PTPRD: variants seen among roughly 807,000 people sequenced by gnomAD.
PTPRD encodes receptor-type tyrosine-protein phosphatase delta.
A neutral mutation model predicts 214.5 loss-of-function variants in PTPRD; 34 were observed. The observed-to-expected ratio is 0.16, with a 90% CI of 0.12 to 0.21. The LOEUF (loss-of-function observed/expected upper bound fraction) is 0.21, where lower values mean the gene tolerates loss of function less well. Among genes scored for constraint, PTPRD ranks in the 10% least tolerant of loss-of-function variants. PTPRD has a pLI of 1.00. For missense variants in PTPRD, 2,545 were observed against 2,398.7 expected (o/e 1.06, Z -1.27); for synonymous variants, 1,128 against 845.7 (o/e 1.33, Z -5.79).
chr9:9,645,475 A>ATATC (rs1416036450), intron 7 of PTPRD, among the ~76,000 whole-genome samples: 1 of 146,688 alleles, frequency 6.8e-6, no homozygotes, highest in African/African-American at 2.6e-5. Context: ...ATATATATAT[A>ATATC]TATATTTTCT....
chr9:9,952,339 G>A (rs535455502), intron 4 of PTPRD, among the ~76,000 whole-genome samples: 1 of 152,314 alleles, frequency 6.6e-6, no homozygotes, highest in African/African-American at 2.4e-5. Flanking sequence ...TATAAAAGAT[G>A]TAAAATGTGT....
intron 14 of PTPRD, among the ~76,000 whole-genome samples, chr9:8,559,138 T>C (rs2085156579): frequency 6.6e-6 from 1 of 152,160 alleles, no homozygotes; most frequent in Non-Finnish European, 1.5e-5. Flanking sequence ...AAAAAATTAA[T>C]GCAGAAAAAA....
At chr9:8,650,823 T>A (rs963907736) in intron 12 of PTPRD, among the ~76,000 whole-genome samples, 1 of 152,102 alleles carries the variant, frequency 6.6e-6, no homozygotes, top group Non-Finnish European at 1.5e-5. Flanking sequence ...CCTATGGAAA[T>A]TTTAGGTATG....
At chr9:9,477,116 G>T (rs140850522) in intron 8 of PTPRD, among the ~76,000 whole-genome samples, 235 of 152,284 alleles carry the variant, frequency 1.5e-3, no homozygotes, top group African/African-American at 5.4e-3. Context: ...GAGTGATTCA[G>T]CAAATGGTCC....
At chr9:9,520,773 G>T (rs766773213) in intron 8 of PTPRD, among the ~76,000 whole-genome samples, 12 of 152,080 alleles carry the variant, frequency 7.9e-5, no homozygotes, top group Non-Finnish European at 1.8e-4. Flanking sequence ...GTCAGCATGG[G>T]TTACAGAACT....
intron 8 of PTPRD, among the ~76,000 whole-genome samples, chr9:9,490,270 G>T (rs1199593184): frequency 6.6e-6 from 1 of 151,748 alleles, no homozygotes; most frequent in Non-Finnish European, 1.5e-5. Flanking sequence ...AATCCTGGAG[G>T]GTGAAAAGAA....
chr9:9,143,059 C>A (rs1331996707), intron 10 of PTPRD, among the ~76,000 whole-genome samples: 2 of 152,152 alleles, frequency 1.3e-5, no homozygotes, highest in African/African-American at 4.8e-5. Context: ...CCCATTCTCT[C>A]CTCTCACCCG....
chr9:10,413,831 C>A (rs1391311270), intron 2 of PTPRD, among the ~76,000 whole-genome samples: 1 of 151,902 alleles, frequency 6.6e-6, no homozygotes, highest in Non-Finnish European at 1.5e-5. Flanking sequence ...TGATCCTCAA[C>A]AAAGCTGACA....
At chr9:9,038,005 T>A (rs940493208) in intron 10 of PTPRD, among the ~76,000 whole-genome samples, 1 of 152,124 alleles carries the variant, frequency 6.6e-6, no homozygotes, top group Admixed American at 6.6e-5. Flanking sequence ...CTTCACAGAG[T>A]TGGGTAGAAG....
At chr9:8,895,890 G>A (rs760047751) in intron 11 of PTPRD, among the ~76,000 whole-genome samples, 11 of 152,190 alleles carry the variant, frequency 7.2e-5, no homozygotes, top group Non-Finnish European at 1.3e-4. Context: ...AAGTTGAGCC[G>A]AATAGCACTT....
intron 14 of PTPRD, among the ~76,000 whole-genome samples, chr9:8,565,553 G>T (rs991723728): frequency 2.6e-5 from 4 of 151,992 alleles, no homozygotes; most frequent in African/African-American, 7.3e-5. Context: ...GATCTTTGTT[G>T]CTACCATACA....
At chr9:8,502,031 A>G (rs1157340392) in intron 23 of PTPRD, among the ~76,000 whole-genome samples, 2 of 152,166 alleles carry the variant, frequency 1.3e-5, no homozygotes, top group Non-Finnish European at 2.9e-5. Flanking sequence ...TTCATTTTGT[A>G]CATAATTATT....
intron 7 of PTPRD, among the ~76,000 whole-genome samples, chr9:9,596,619 G>C (rs1013673101): frequency 2.6e-5 from 4 of 151,920 alleles, no homozygotes; most frequent in Admixed American, 2.0e-4. Flanking sequence ...AAATGATACA[G>C]TGACAAATAA....
intron 3 of PTPRD, among the ~76,000 whole-genome samples, chr9:10,315,658 A>T (rs1307084084): frequency 1.3e-5 from 2 of 152,084 alleles, no homozygotes; most frequent in Admixed American, 1.3e-4. Flanking sequence ...GTCTCCTAAG[A>T]TACGACAAAT....
rs539610263 is a variant in PTPRD at position 9,729,699 on chromosome 9, G to A, written c.-287+4834C>T. Among the ~76,000 whole-genome samples the A allele has an allele frequency of 2.6e-5, 4 of 151,976 alleles. No homozygotes were observed. The South Asian group carries it at 8.3e-4, about 32-fold the overall frequency. On this transcript the variant is annotated intron_variant, in intron 7 of 45. Transcript: ENST00000381196. Reference sequence around the variant, plus strand: ...ATAAAATTAAGGTCCTTGAAGTTGGGGTCATGTCATATCCTTTTTATATTA... The same window carrying A: ...ATAAAATTAAGGTCCTTGAAGTTGGAGTCATGTCATATCCTTTTTATATTA...
intron 4 of PTPRD, among the ~76,000 whole-genome samples, chr9:9,983,601 A>C (rs2095614110): frequency 1.3e-5 from 2 of 152,242 alleles, no homozygotes; most frequent in African/African-American, 2.4e-5. Context: ...CATGGGAACC[A>C]AAACGTACAC....
intron 6 of PTPRD, among the ~76,000 whole-genome samples, chr9:9,743,987 A>G (rs572445161): frequency 6.6e-6 from 1 of 152,274 alleles, no homozygotes. Context: ...TATGTTCTAC[A>G]TAATGCATCT....
intron 14 of PTPRD, among the ~76,000 whole-genome samples, chr9:8,612,132 C>CAAAAG (rs1564713320): frequency 4.0e-5 from 6 of 151,208 alleles, no homozygotes; most frequent in African/African-American, 1.5e-4. Context: ...CAAAACAAAA[C>CAAAAG]AAAACAAAAG....
intron 7 of PTPRD, among the ~76,000 whole-genome samples, chr9:9,728,212 C>T (rs893058272): frequency 3.9e-5 from 6 of 152,106 alleles, no homozygotes; most frequent in African/African-American, 9.7e-5. Flanking sequence ...ACCTCTTTTT[C>T]GTTATAAATT....
Sources: allele counts gnomAD v4.1 joint callset (sites outside exome capture counted in the v4.1 genomes callset), GRCh38; gene constraint gnomAD v4.1.1; transcripts MANE v1.5; gene names NCBI Gene and HGNC (gene_info 2026-07-23, HGNC 2026-07-21).